Variants in FRMPD2 observed in about 807,000 individuals in gnomAD.
FRMPD2 encodes FERM and PDZ domain containing 2.
FRMPD2 carries 96 observed loss-of-function variants against 140.1 expected under a neutral mutation model. The observed-to-expected ratio is 0.69, with a 90% confidence interval of 0.58 to 0.81. FRMPD2 has a LOEUF of 0.81. Ranked by LOEUF, FRMPD2 falls within the 40% of genes least tolerant of loss-of-function variation. FRMPD2 has a pLI of 0.00. For synonymous variants in FRMPD2, 449 were observed against 547.6 expected (o/e 0.82, Z 2.52); for missense variants, 1,240 against 1,447.4 (o/e 0.86, Z 2.32).
At chr10:48,161,881 G>A (rs1203250619) in intron 28 of FRMPD2, among the ~76,000 whole-genome samples, 1 of 150,692 alleles carries the variant, frequency 6.6e-6, no homozygotes, top group Non-Finnish European at 1.5e-5. Flanking sequence ...ATAACTATTG[G>A]CTATATTAAA....
intron 4 of FRMPD2, 31 bp downstream of exon 4, chr10:48,244,753 C>A (rs759049188): frequency 6.4e-7 from 1 of 1,567,284 alleles, no homozygotes; most frequent in Admixed American, 1.7e-5. Flanking sequence ...AGACACAGCC[C>A]GGCAAGACTT....
rs376247926 is a variant in FRMPD2 at position 48,184,848 on chromosome 10, T to C, written c.2393A>G (p.Gln798Arg). ...AGATATAAAAATGCCAGGGTCAGCTTGGCCTGAATACTCTCCCTCATTAAT... is the reference window on the plus strand; with the variant it reads ...AGATATAAAAATGCCAGGGTCAGCTCGGCCTGAATACTCTCCCTCATTAAT... ...FVINEGEYSG[Q>R]ADPGIFISSI... is the part of the protein sequence containing the mutation. Residue 798 changes from glutamine (Q) to arginine (R), a missense_variant, in exon 19 of 29, where the codon CAA (glutamine) becomes CGA (arginine). Around this residue, in one of 6 missense-constraint regions of FRMPD2, gnomAD observed 1,161 missense variants for 1,055.9 expected, o/e 1.10. Transcript: ENST00000374201. 3 of 1,613,764 alleles carry C rather than the reference T, an allele frequency of 1.9e-6. No individual in the cohort carries two copies. Among genetic ancestry groups the C allele is most frequent in the Non-Finnish European group, 2.5e-6 (3 of 1,179,818 alleles).
chr10:48,227,457 C>T (rs1264256213), intron 10 of FRMPD2, among the ~76,000 whole-genome samples: 1 of 152,218 alleles, frequency 6.6e-6, no homozygotes, highest in East Asian at 1.9e-4. Context: ...AGAGTGCCAG[C>T]TCCCAGGGGA....
At chr10:48,222,113 A>T (rs548369860) in intron 12 of FRMPD2, among the ~76,000 whole-genome samples, 200 bp downstream of exon 12, 61 of 113,050 alleles carry the variant, frequency 5.4e-4, no homozygotes, top group African/African-American at 1.9e-3. Context: ...TGGATGGATG[A>T]ATCAATGAAT....
At chr10:48,265,980 G>A (rs746467384) in intron 1 of FRMPD2, among the ~76,000 whole-genome samples, 6 of 152,130 alleles carry the variant, frequency 3.9e-5, no homozygotes, top group Non-Finnish European at 8.8e-5. Flanking sequence ...GTCCATCAAT[G>A]GTAGACTGGA....
chr10:48,212,955 G>T (rs1031260777), intron 12 of FRMPD2, among the ~76,000 whole-genome samples: 1 of 152,150 alleles, frequency 6.6e-6, no homozygotes, highest in African/African-American at 2.4e-5. Context: ...TGTATTCCCA[G>T]ATCAACATGT....
At chr10:48,273,044 T>G (rs1392784123) in intron 1 of FRMPD2, among the ~76,000 whole-genome samples, 1 of 152,234 alleles carries the variant, frequency 6.6e-6, no homozygotes, top group Admixed American at 6.5e-5. Flanking sequence ...ATAAAGAGTA[T>G]TTTATATTTT....
At chr10:48,231,484 A>T (rs1484483174) in intron 10 of FRMPD2, among the ~76,000 whole-genome samples, 1 of 152,052 alleles carries the variant, frequency 6.6e-6, no homozygotes, top group Non-Finnish European at 1.5e-5. Context: ...GGAACCAATC[A>T]CCTTTTTGTT....
intron 1 of FRMPD2, among the ~76,000 whole-genome samples, chr10:48,254,353 A>G (rs1840448722): frequency 6.6e-6 from 1 of 152,174 alleles, no homozygotes; most frequent in South Asian, 2.1e-4. Flanking sequence ...GCTAGGCAAA[A>G]ATGCAAATTC....
chr10:48,261,394 A>C (rs1433994279), intron 1 of FRMPD2, among the ~76,000 whole-genome samples: 1 of 152,126 alleles, frequency 6.6e-6, no homozygotes, highest in Non-Finnish European at 1.5e-5. Flanking sequence ...CAGCAAAAAA[A>C]AGTGAGAGAG....
At chr10:48,251,795 T>G (rs1029872390) in intron 1 of FRMPD2, 104 bp from the exon 2 acceptor site, 2 of 1,356,466 alleles carry the variant, frequency 1.5e-6, no homozygotes, top group African/African-American at 2.9e-5. Context: ...TGGCCACTAC[T>G]GCACACCGGC....
rs953071406 is a variant in FRMPD2 at position 48,262,922 on chromosome 10, T to C, written c.26-11231A>G. On this transcript the variant is annotated intron_variant, in intron 1 of 28. Transcript: ENST00000374201. Reference sequence around the variant, plus strand: ...TCCCAAGTAGCTGAGATTACAAGTTTAAAAGTACAGAAATCATACAAAGTA... The same window carrying C: ...TCCCAAGTAGCTGAGATTACAAGTTCAAAAGTACAGAAATCATACAAAGTA... Among the ~76,000 whole-genome samples, 17 of 151,910 alleles carry C rather than the reference T, an allele frequency of 1.1e-4. 1 individual carries two copies. Among genetic ancestry groups the C allele is most frequent in the African/African-American group, 4.1e-4 (17 of 41,348 alleles).
chr10:48,256,868 C>T (rs1030588453), intron 1 of FRMPD2, among the ~76,000 whole-genome samples: 6 of 152,210 alleles, frequency 3.9e-5, no homozygotes, highest in African/African-American at 1.4e-4. Flanking sequence ...AATGTTGTCC[C>T]TCAGGATTCT....
At chr10:48,226,168 T>C (rs1839716916) in intron 10 of FRMPD2, among the ~76,000 whole-genome samples, 2 of 152,222 alleles carry the variant, frequency 1.3e-5, no homozygotes, top group South Asian at 4.1e-4. Context: ...GAATTAAAAT[T>C]AGAAGACTGC....
chr10:48,225,321 G>A (rs1036218251), intron 10 of FRMPD2, among the ~76,000 whole-genome samples: 6 of 152,150 alleles, frequency 3.9e-5, no homozygotes, highest in East Asian at 1.9e-4. Context: ...TGCCTATACC[G>A]AAAAATACCA....
intron 8 of FRMPD2, among the ~76,000 whole-genome samples, chr10:48,237,786 T>C (rs1840003891): frequency 6.6e-6 from 1 of 152,112 alleles, no homozygotes; most frequent in Non-Finnish European, 1.5e-5. Flanking sequence ...GCGTCCCCCA[T>C]AGAGCCTTCC....
chr10:48,270,155 A>G (rs537585957), intron 1 of FRMPD2, among the ~76,000 whole-genome samples: 1 of 152,326 alleles, frequency 6.6e-6, no homozygotes, highest in South Asian at 2.1e-4. Context: ...TTATTAAACA[A>G]TATGGAAAAA....
At chr10:48,274,439 T>C in intron 1 of FRMPD2, 104 bp downstream of exon 1, 1 of 1,003,880 alleles carries the variant, frequency 1.0e-6, no homozygotes, top group Non-Finnish European at 1.6e-6. Flanking sequence ...CACAGGTCCT[T>C]GCCCAGCTGT....
intron 12 of FRMPD2, among the ~76,000 whole-genome samples, chr10:48,212,497 A>G (rs1839351804): frequency 6.6e-6 from 1 of 152,168 alleles, no homozygotes; most frequent in Admixed American, 6.5e-5. Flanking sequence ...AGATGTGTTC[A>G]CCTCAAACCC....
Sources: allele counts gnomAD v4.1 joint callset (sites outside exome capture counted in the v4.1 genomes callset), GRCh38; gene constraint gnomAD v4.1.1; regional missense constraint gnomAD v4.1.1; transcripts MANE v1.5; gene names NCBI Gene and HGNC (gene_info 2026-07-23, HGNC 2026-07-21).